The following TP63 variants were observed in gnomAD, a reference collection of about 807,000 sequenced individuals.
TP63 encodes the protein tumor protein 63.
TP63 carries 17 observed loss-of-function variants against 82.8 expected under a neutral mutation model. That is an observed-to-expected ratio of 0.21 (90% confidence interval 0.14 to 0.31). The LOEUF (loss-of-function observed/expected upper bound fraction) is 0.31. Among genes scored for constraint, TP63 ranks in the 10% least tolerant of loss-of-function variants. TP63 has a pLI of 1.00. For synonymous variants in TP63, 330 were observed against 321.7 expected, an observed-to-expected ratio of 1.03 and a Z score of -0.28; for missense variants, 648 against 895.3, an observed-to-expected ratio of 0.72 and a Z score of 3.52.
chr3:189,658,333 A>T (rs1189536415), intron 1 of TP63, among the ~76,000 whole-genome samples: 1 of 152,068 alleles, frequency 6.6e-6, no homozygotes, highest in African/African-American at 2.4e-5. Context: ...ATTTCAAATA[A>T]TTTTTGTAGA....
At position 189,754,887 on chromosome 3, in the gene TP63, T is replaced by C. The variant is rs564029755; in HGVS notation, c.324+16113T>C. ...TCAAGTTCCCTACTTTTCCCCCATGTTGAGTATCCACTTTTTTGGTTACCC... is the reference window on the plus strand; with the variant it reads ...TCAAGTTCCCTACTTTTCCCCCATGCTGAGTATCCACTTTTTTGGTTACCC... On this transcript the variant is annotated intron_variant, in intron 3 of 13. Transcript: ENST00000264731. Among the ~76,000 whole-genome samples the C allele has an allele frequency of 4.6e-5, 7 of 152,262 alleles. No homozygotes were observed. In the Middle Eastern group the frequency reaches 0.014, roughly 296 times the overall value.
chr3:189,688,875 A>G (rs1244345593), intron 1 of TP63, among the ~76,000 whole-genome samples: 2 of 152,116 alleles, frequency 1.3e-5, no homozygotes, highest in Non-Finnish European at 2.9e-5. Flanking sequence ...CTGAATTAAG[A>G]ATCTCAAAAC....
intron 3 of TP63, among the ~76,000 whole-genome samples, chr3:189,801,263 CAT>C (rs1201309461): frequency 3.3e-5 from 5 of 152,070 alleles, no homozygotes; most frequent in African/African-American, 1.2e-4. Context: ...GCTATGAAAA[CAT>C]ATTGATTGCT....
intron 3 of TP63, among the ~76,000 whole-genome samples, chr3:189,757,542 T>A (rs1332345299): frequency 6.6e-6 from 1 of 152,214 alleles, no homozygotes; most frequent in Non-Finnish European, 1.5e-5. Flanking sequence ...GCTGTTAGTC[T>A]TTAGACTGTG....
chr3:189,643,353 C>T (rs551889457), intron 1 of TP63, among the ~76,000 whole-genome samples: 2 of 152,134 alleles, frequency 1.3e-5, no homozygotes, highest in South Asian at 2.1e-4. Context: ...ATAAATGTTT[C>T]CATTAGAACC....
At chr3:189,816,476 T>C (rs984077754) in intron 4 of TP63, among the ~76,000 whole-genome samples, 1 of 152,166 alleles carries the variant, frequency 6.6e-6, no homozygotes, top group Admixed American at 6.6e-5. Context: ...GGCCGATGTA[T>C]GTTTCTCATG....
chr3:189,871,382 A>G (rs1319233609), intron 9 of TP63, among the ~76,000 whole-genome samples: 1 of 152,206 alleles, frequency 6.6e-6, no homozygotes, highest in Non-Finnish European at 1.5e-5. Context: ...ATGTAATGTA[A>G]TAAAATAAAT....
chr3:189,606,806 G>A, the TP63 span, among the ~76,000 whole-genome samples: 17 of 152,006 alleles, frequency 1.1e-4, no homozygotes, highest in African/African-American at 3.9e-4. Flanking sequence ...CCACCGCGAC[G>A]GGCCAACCCC....
At chr3:189,638,125 A>G (rs151316067) in intron 1 of TP63, among the ~76,000 whole-genome samples, 19 of 152,226 alleles carry the variant, frequency 1.2e-4, no homozygotes, top group African/African-American at 4.3e-4. Context: ...CAAGATACTA[A>G]CTTTGTGCTA....
At chr3:189,869,906 T>C (rs1002540294) in intron 9 of TP63, among the ~76,000 whole-genome samples, 1 of 152,124 alleles carries the variant, frequency 6.6e-6, no homozygotes, top group Admixed American at 6.5e-5. Flanking sequence ...GAGCTGGTGA[T>C]ACAAAGGAGA....
intron 4 of TP63, chr3:189,830,029 A>G: frequency 4.6e-6 from 1 of 218,734 alleles, no homozygotes; most frequent in Non-Finnish European, 1.1e-5. Flanking sequence ...GCTCCACTGT[A>G]ACCTTCATTT....
intron 3 of TP63, among the ~76,000 whole-genome samples, chr3:189,761,764 C>A (rs1577365665): frequency 1.3e-5 from 2 of 152,134 alleles, no homozygotes; most frequent in South Asian, 2.1e-4. Flanking sequence ...CGAGACTGGG[C>A]AATTTAAAAA....
At chr3:189,765,448 T>TTTTTTTTTTTTTTTTTTTTTTTTG (rs1722883165) in intron 3 of TP63, among the ~76,000 whole-genome samples, 1 of 115,968 alleles carries the variant, frequency 8.6e-6, no homozygotes, top group Non-Finnish European at 1.8e-5. Context: ...TTTTTTTTTT[T>TTTTTTTTTTTTTTTTTTTTTTTTG]TTTTTTGAGA....
At chr3:189,834,274 A>G (rs1039535573) in intron 4 of TP63, among the ~76,000 whole-genome samples, 8 of 152,200 alleles carry the variant, frequency 5.3e-5, no homozygotes, top group Admixed American at 3.3e-4. Context: ...TGTTTGAAGT[A>G]AACAGGAAAA....
chr3:189,868,000 G>A, intron 7 of TP63, 58 bp downstream of exon 7: 1 of 1,394,338 alleles, frequency 7.2e-7, no homozygotes, highest in Non-Finnish European at 1.0e-6. Flanking sequence ...AGAGGGCAAA[G>A]TGAAATCGTG....
intron 3 of TP63, among the ~76,000 whole-genome samples, chr3:189,748,506 T>TAAAA (rs1721547378): frequency 1.7e-4 from 1 of 5,776 alleles, no homozygotes. Flanking sequence ...CAAGGAAAAC[T>TAAAA]ACAAAAAAAA....
In TP63 at chr3:189,864,244, C is replaced by A; in HGVS notation, c.592C>A (p.Leu198Met). ...CAACTCTAAGCAGTATTCCACTGAA[C>A]TGAAGAAACTCTACTGCCAAATTGC... is the stretch of plus-strand genomic sequence containing the variant. The part of the protein sequence containing the change: ...KSATWTYSTE[L>M]KKLYCQIAKT... The change falls in exon 5 of 14, where the codon CTG becomes ATG. Residue 198 changes from leucine (L) to methionine (M), a missense_variant. Coordinates refer to ENST00000264731, the MANE Select transcript of TP63 (RefSeq NM_003722.5). 6.2e-7 allele frequency: 1 copy of A among 1,614,136 alleles called. No homozygotes were observed. The highest frequency in any genetic ancestry group is 8.5e-7 in the Non-Finnish European group (1 of 1,180,014).
At chr3:189,771,327 T>A (rs1181458308) in intron 3 of TP63, among the ~76,000 whole-genome samples, 1 of 131,722 alleles carries the variant, frequency 7.6e-6, no homozygotes, top group African/African-American at 3.2e-5. Flanking sequence ...TATATATTTA[T>A]ATATAATATA....
intron 1 of TP63, among the ~76,000 whole-genome samples, chr3:189,701,238 G>A (rs532986299): frequency 6.6e-6 from 1 of 151,978 alleles, no homozygotes; most frequent in Non-Finnish European, 1.5e-5. Context: ...ACTCCAGTAC[G>A]TGCTCCTCAA....
Sources: gnomAD v4.1 joint callset for allele counts (sites outside exome capture counted in the v4.1 genomes callset) on GRCh38, gnomAD v4.1.1 for gene constraint, MANE v1.5 for transcripts, NCBI Gene and HGNC (gene_info 2026-07-23, HGNC 2026-07-21) for gene names.